Variants in PAPPA observed in about 807,000 individuals in gnomAD.
The protein encoded by PAPPA is pappalysin 1, also known as pappalysin-1.
PAPPA carries 60 observed loss-of-function variants against 164.0 expected under a neutral mutation model. That is an observed-to-expected ratio of 0.37 (90% CI 0.30 to 0.45). The LOEUF is 0.45. Among genes scored for constraint, PAPPA ranks in the 20% least tolerant of loss-of-function variants. The probability of loss-of-function intolerance (pLI) is 1.00; values close to 1 mark genes in which losing one functional copy is unlikely to be tolerated. For synonymous variants in PAPPA, 875 were observed against 814.1 expected (o/e 1.07, Z -1.27); for missense variants, 1,782 against 2,087.3 (o/e 0.85, Z 2.85).
chr9:116,397,907 T>C lies in PAPPA; in HGVS notation c.*1291T>C, dbSNP rs1342084849. The C allele has an allele frequency of 6.6e-6, 1 of 152,664 alleles. No homozygotes were observed. Among genetic ancestry groups the C allele is most frequent in the Non-Finnish European group, 1.5e-5 (1 of 68,076 alleles). 9.5% of individuals were successfully genotyped at this position (152,664 alleles called of 1,614,324 possible). On this transcript the variant is annotated 3_prime_UTR_variant, in exon 22 of 22. Transcript: ENST00000328252. ...ACCTTGCTGTTGCTCTGAGGAGATA[T>C]AATTCTGGGAGAAAGAATCTTTTAT...
chr9:116,377,210 G>GCA (rs1195210313), intron 19 of PAPPA, among the ~76,000 whole-genome samples: 6 of 150,870 alleles, frequency 4.0e-5, no homozygotes, highest in African/African-American at 7.3e-5. Flanking sequence ...ACACACATGC[G>GCA]CACACACACA....
At chr9:116,326,292 T>C (rs958086230) in intron 10 of PAPPA, among the ~76,000 whole-genome samples, 2 of 152,192 alleles carry the variant, frequency 1.3e-5, no homozygotes, top group African/African-American at 2.4e-5. Flanking sequence ...ATTTAATGTA[T>C]TTATACATTA....
At chr9:116,335,173 CTG>C (rs963611902) in intron 13 of PAPPA, 99 bp downstream of exon 13, 20 of 955,180 alleles carry the variant, frequency 2.1e-5, no homozygotes, top group Non-Finnish European at 2.9e-5. Context: ...TGTAAAAAGT[CTG>C]TGCATTTCTC....
At chr9:116,387,896 G>A (rs1431036290) in intron 21 of PAPPA, among the ~76,000 whole-genome samples, 2 of 152,148 alleles carry the variant, frequency 1.3e-5, no homozygotes, top group Admixed American at 1.3e-4. Context: ...TTGCTTCATA[G>A]ACCTCCAGGA....
At chr9:116,284,545 CTTTTTTTT>C (rs61248033) in intron 9 of PAPPA, among the ~76,000 whole-genome samples, 3 of 88,240 alleles carry the variant, frequency 3.4e-5, no homozygotes, top group African/African-American at 1.4e-4. Flanking sequence ...TAGTCTGGGC[CTTTTTTTT>C]TTTTTTTTTT....
chr9:116,303,016 C>A, intron 10 of PAPPA, 66 bp downstream of exon 10: 1 of 1,366,572 alleles, frequency 7.3e-7, no homozygotes, highest in Non-Finnish European at 1.0e-6. Flanking sequence ...CCCCACAAGG[C>A]TACTCACCTC....
intron 9 of PAPPA, among the ~76,000 whole-genome samples, chr9:116,296,731 A>T (rs548427250): frequency 9.9e-5 from 15 of 152,234 alleles, no homozygotes; most frequent in South Asian, 8.3e-4. Context: ...GAGAAAAACA[A>T]CCTTTGTAAG....
intron 1 of PAPPA, among the ~76,000 whole-genome samples, chr9:116,175,146 C>T (rs1587938671): frequency 6.6e-6 from 1 of 152,140 alleles, no homozygotes; most frequent in African/African-American, 2.4e-5. Flanking sequence ...GTCAACCTCC[C>T]ATTATATAGA....
At chr9:116,340,619 G>C (rs1169213951) in intron 13 of PAPPA, among the ~76,000 whole-genome samples, 2 of 152,248 alleles carry the variant, frequency 1.3e-5, no homozygotes, top group Non-Finnish European at 2.9e-5. Flanking sequence ...CAAGCCTGCA[G>C]GCCAGGTGCA....
chr9:116,215,622 A>G (rs1212164261), intron 4 of PAPPA, among the ~76,000 whole-genome samples: 1 of 152,206 alleles, frequency 6.6e-6, no homozygotes, highest in African/African-American at 2.4e-5. Flanking sequence ...GGAGAGGATC[A>G]GGAAAAATTG....
rs1845141416 is a variant in PAPPA at position 116,271,841 on chromosome 9, A to G, written c.2953+425A>G. Among the ~76,000 whole-genome samples, 1 of 152,214 alleles carries G rather than the reference A, an allele frequency of 6.6e-6. No individual in the cohort carries two copies. Among genetic ancestry groups the G allele is most frequent in the Non-Finnish European group, 1.5e-5 (1 of 68,036 alleles). On this transcript the variant is annotated intron_variant, in intron 9 of 21. Coordinates refer to ENST00000328252, the MANE Select transcript of PAPPA (RefSeq NM_002581.5). This position sits in a 1 kb window ranked among gnomAD's most constrained non-coding sequence, Gnocchi z 4.2. ...AGAGTTATACAGGTCAAAAGTGATT[A>G]AAGACAGAATCAGGACTTGAACCTG... is the stretch of plus-strand genomic sequence containing the variant.
intron 6 of PAPPA, 116 bp downstream of exon 6, chr9:116,227,668 G>A: frequency 9.0e-7 from 1 of 1,116,646 alleles, no homozygotes; most frequent in Non-Finnish European, 1.2e-6. Flanking sequence ...TTTCATTTGA[G>A]TAACATCATC....
intron 9 of PAPPA, among the ~76,000 whole-genome samples, chr9:116,273,415 G>A (rs1210574435): frequency 1.3e-5 from 2 of 152,182 alleles, no homozygotes; most frequent in East Asian, 3.9e-4. Context: ...TACAATGAGA[G>A]TTCAGTGATG....
chr9:116,259,580 T>C (rs1468246881), intron 7 of PAPPA, among the ~76,000 whole-genome samples: 2 of 151,982 alleles, frequency 1.3e-5, no homozygotes, highest in Non-Finnish European at 2.9e-5. Context: ...AAAGGCAAAA[T>C]AAAACAATAA....
chr9:116,358,996 A>T (rs1846388696), intron 17 of PAPPA, among the ~76,000 whole-genome samples: 1 of 152,188 alleles, frequency 6.6e-6, no homozygotes, highest in African/African-American at 2.4e-5. Flanking sequence ...GATCCTCATG[A>T]TCACTCTCTC....
intron 19 of PAPPA, among the ~76,000 whole-genome samples, chr9:116,377,222 A>G (rs10983121): frequency 6.6e-6 from 1 of 151,420 alleles, no homozygotes; most frequent in Admixed American, 6.6e-5. Flanking sequence ...ACACACACAC[A>G]CACCCCTCCT....
rs1846303316 is a variant in PAPPA at position 116,352,910 on chromosome 9, C to T, written c.4169C>T (p.Ser1390Leu). 1 of 1,613,236 alleles carries T rather than the reference C, an allele frequency of 6.2e-7. No individual in the cohort carries two copies. The highest frequency in any genetic ancestry group is 1.1e-5 in the South Asian group (1 of 90,992). ...CATGTGCCTGGATCCTCTCGGAAGT[C>T]AAAGAAGTAAGTGGGGTTGGAAATG... is the stretch of plus-strand genomic sequence containing the variant. ...GYHVPGSSRK[S>L]KKRAFKTQCT... The change falls in exon 16 of 22, where the codon TCA becomes TTA. Residue 1390 changes from serine (S) to leucine (L), a missense_variant. Ser to Leu is a moderately radical substitution (Grantham distance 145). Around this residue, in one of 2 missense-constraint regions of PAPPA, gnomAD observed 1,324 missense variants for 1,656.9 expected, o/e 0.80. Transcript: ENST00000328252.
intron 19 of PAPPA, among the ~76,000 whole-genome samples, chr9:116,371,245 C>T (rs1306521611): frequency 3.3e-5 from 5 of 152,166 alleles, no homozygotes; most frequent in East Asian, 1.9e-4. Context: ...GGTGAAACCC[C>T]GTCTCTACTA....
At chr9:116,261,070 T>C (rs1844995341) in intron 7 of PAPPA, among the ~76,000 whole-genome samples, 1 of 152,208 alleles carries the variant, frequency 6.6e-6, no homozygotes, top group Non-Finnish European at 1.5e-5. Flanking sequence ...GCAAGTAGCT[T>C]AATCTTCCTA....
Sources: gnomAD v4.1 joint callset for allele counts (sites outside exome capture counted in the v4.1 genomes callset) on GRCh38, gnomAD v4.1.1 for gene constraint, gnomAD v4.1.1 regional missense constraint, Gnocchi (gnomAD v3.1) non-coding constraint, MANE v1.5 for transcripts, NCBI Gene and HGNC (gene_info 2026-07-23, HGNC 2026-07-21) for gene names.